The following GRID2 variants were observed in gnomAD, a reference collection of about 807,000 sequenced individuals.
The protein encoded by GRID2 is glutamate receptor ionotropic, delta-2.
In GRID2, 33 loss-of-function variants were observed where a neutral mutation model predicts 114.8. The ratio of observed to expected loss-of-function variants is 0.29; its 90% CI spans 0.22 to 0.38. The LOEUF is 0.38. GRID2 is among the 10% of genes least tolerant of loss of function. The pLI, the probability that GRID2 is intolerant of heterozygous loss-of-function variation, is 1.00. For synonymous variants in GRID2, 505 were observed against 449.9 expected, an observed-to-expected ratio of 1.12 and a Z score of -1.55; for missense variants, 1,184 against 1,257.7, an observed-to-expected ratio of 0.94 and a Z score of 0.89.
chr4:92,740,694 A>AGATAGAT (rs1560565396), intron 2 of GRID2, among the ~76,000 whole-genome samples: 67 of 16,166 alleles, frequency 4.1e-3, no homozygotes, highest in African/African-American at 0.015. Flanking sequence ...GATAGATGAT[A>AGATAGAT]GATAGATAGA....
intron 1 of GRID2, among the ~76,000 whole-genome samples, chr4:92,474,771 G>T (rs944680637): frequency 2.0e-5 from 3 of 151,744 alleles, no homozygotes; most frequent in African/African-American, 7.3e-5. Context: ...TGAGCATTTT[G>T]TCATATACCT....
At chr4:92,572,974 C>A (rs1005620241) in intron 1 of GRID2, among the ~76,000 whole-genome samples, 6 of 151,918 alleles carry the variant, frequency 3.9e-5, no homozygotes, top group Non-Finnish European at 8.8e-5. Flanking sequence ...GGTTATTAGG[C>A]TATTTATTAC....
chr4:92,323,417 C>T (rs1438887724), intron 1 of GRID2, among the ~76,000 whole-genome samples: 1 of 151,992 alleles, frequency 6.6e-6, no homozygotes, highest in Non-Finnish European at 1.5e-5. Flanking sequence ...CTCAGGTGTG[C>T]CCTTTCTGTT....
intron 1 of GRID2, among the ~76,000 whole-genome samples, chr4:92,485,237 A>T (rs1722804787): frequency 7.0e-6 from 1 of 143,392 alleles, no homozygotes; most frequent in African/African-American, 2.6e-5. Flanking sequence ...GAATAAATTT[A>T]TTTGCTTATA....
chr4:92,568,558 TA>T (rs1333717298), intron 1 of GRID2, among the ~76,000 whole-genome samples: 1 of 152,154 alleles, frequency 6.6e-6, no homozygotes, highest in South Asian at 2.1e-4. Context: ...AAAATTTCAT[TA>T]AAAAATATGT....
At chr4:93,144,180 G>A (rs1183320364) in intron 4 of GRID2, among the ~76,000 whole-genome samples, 2 of 152,078 alleles carry the variant, frequency 1.3e-5, no homozygotes, top group East Asian at 1.9e-4. Flanking sequence ...ACCACACTTT[G>A]CGAACAACTA....
chr4:93,349,111 T>C (rs960010470), intron 8 of GRID2, among the ~76,000 whole-genome samples: 12 of 152,166 alleles, frequency 7.9e-5, no homozygotes, highest in Admixed American at 5.9e-4. Context: ...AGAATACTAA[T>C]GCCTCTTCAT....
At chr4:93,723,968 C>A (rs1729615943) in intron 14 of GRID2, among the ~76,000 whole-genome samples, 1 of 152,128 alleles carries the variant, frequency 6.6e-6, no homozygotes, top group Non-Finnish European at 1.5e-5. Context: ...ATACTATCAC[C>A]ACTTCCAAGG....
At chr4:92,770,676 G>A (rs570336023) in intron 2 of GRID2, among the ~76,000 whole-genome samples, 23 of 152,144 alleles carry the variant, frequency 1.5e-4, no homozygotes, top group Non-Finnish European at 2.5e-4. Context: ...GAACTTGTGC[G>A]GGGAAACTCC....
exon 2 of GRID2, chr4:93,809,645 A>T (rs1211818136): frequency 6.6e-6 from 1 of 152,172 alleles, no homozygotes. Context: ...ACAGGGAAAA[A>T]TCGATTCATT....
At position 92,886,815 on chromosome 4, in the gene GRID2, C is replaced by T. The variant is rs1313543953; in HGVS notation, c.245-198180C>T. ...TAATTTTTTGTATTTTTAGTAGAGA[C>T]GGGGTTTCACCGTGTTAGCCAGGAT... On this transcript the variant is annotated intron_variant, in intron 2 of 15. Coordinates refer to ENST00000282020, the MANE Select transcript of GRID2 (RefSeq NM_001510.4). Among the ~76,000 whole-genome samples the T allele has an allele frequency of 6.6e-5, 10 of 151,994 alleles. No individual in the cohort carries two copies. In the East Asian group the frequency reaches 9.7e-4, roughly 15 times the overall value.
At chr4:93,600,143 G>T (rs1739518863) in intron 13 of GRID2, among the ~76,000 whole-genome samples, 1 of 152,106 alleles carries the variant, frequency 6.6e-6, no homozygotes, top group South Asian at 2.1e-4. Context: ...TAAAATTCCA[G>T]AATGAATCTG....
intron 13 of GRID2, among the ~76,000 whole-genome samples, chr4:93,538,795 T>C (rs1017468319): frequency 4.6e-5 from 7 of 151,278 alleles, no homozygotes; most frequent in Admixed American, 2.0e-4. Flanking sequence ...CAAGTCAAGA[T>C]AGAGAAACTG....
rs941342136 is a variant in GRID2, at chr4:92,653,349, T to G, written c.244+63063T>G. Among the ~76,000 whole-genome samples the G allele has an allele frequency of 1.4e-4, 20 of 144,234 alleles. No individual in the cohort carries two copies. In the South Asian group the frequency reaches 3.1e-3, roughly 22 times the overall value. The allele number at this position is 144,234 out of a possible 152,430, so 94.6% of individuals were successfully genotyped here. A position where few individuals can be genotyped will look rare whatever the true frequency, so the allele number is the denominator to read the frequency against. On this transcript the variant is annotated intron_variant, in intron 2 of 15. Transcript: ENST00000282020. ...TGTCTGTGTGTGTGTGTGTGTGTGT[T>G]TGTGTGTTTGTAATTGTTTTCAGGA...
At chr4:92,924,983 C>G (rs1038255080) in intron 2 of GRID2, among the ~76,000 whole-genome samples, 9 of 152,046 alleles carry the variant, frequency 5.9e-5, no homozygotes, top group Non-Finnish European at 1.3e-4. Flanking sequence ...TTAAAACAGC[C>G]TTTCCCCAAA....
chr4:93,526,719 G>C (rs1414995136), intron 13 of GRID2, among the ~76,000 whole-genome samples: 1 of 152,198 alleles, frequency 6.6e-6, no homozygotes, highest in Non-Finnish European at 1.5e-5. Context: ...TGAGGCAGAA[G>C]AATCACTTGA....
At chr4:93,555,318 G>C (rs767904229) in intron 13 of GRID2, among the ~76,000 whole-genome samples, 1 of 152,144 alleles carries the variant, frequency 6.6e-6, no homozygotes, top group Admixed American at 6.5e-5. Context: ...TAGCTCAGTG[G>C]ATCCCACTCC....
intron 8 of GRID2, among the ~76,000 whole-genome samples, chr4:93,266,447 T>C (rs1429793209): frequency 6.6e-6 from 1 of 151,912 alleles, no homozygotes; most frequent in East Asian, 1.9e-4. Context: ...CACACACACA[T>C]CCACCTGTTC....
intron 14 of GRID2, among the ~76,000 whole-genome samples, chr4:93,741,472 A>C (rs746308380): frequency 3.9e-5 from 6 of 152,094 alleles, no homozygotes; most frequent in African/African-American, 7.2e-5. Flanking sequence ...ACAACTTTTT[A>C]TCAACAGGAG....
Sources: allele counts gnomAD v4.1 joint callset (sites outside exome capture counted in the v4.1 genomes callset), GRCh38; gene constraint gnomAD v4.1.1; transcripts MANE v1.5; gene names NCBI Gene and HGNC (gene_info 2026-07-23, HGNC 2026-07-21).